The following PRKG1 variants were observed in gnomAD, a reference collection of about 807,000 sequenced individuals.
The protein encoded by PRKG1 is cGMP-dependent protein kinase 1.
PRKG1 carries 35 observed loss-of-function variants against 88.1 expected under a neutral mutation model. The observed-to-expected ratio is 0.40, with a 90% CI of 0.30 to 0.53. The LOEUF is 0.53. PRKG1 is among the 20% of genes least tolerant of loss of function. The pLI, the probability that PRKG1 is intolerant of heterozygous loss-of-function variation, is 0.59. For synonymous variants in PRKG1, 303 were observed against 292.5 expected, an observed-to-expected ratio of 1.04 and a Z score of -0.37; for missense variants, 540 against 839.8, an observed-to-expected ratio of 0.64 and a Z score of 4.41.
chr10:51,483,382 G>T (rs180917126), intron 3 of PRKG1, among the ~76,000 whole-genome samples: 1 of 152,010 alleles, frequency 6.6e-6, no homozygotes, highest in East Asian at 1.9e-4. Context: ...AATGCCTTCC[G>T]TGTAAAATTT....
intron 4 of PRKG1, among the ~76,000 whole-genome samples, chr10:51,833,191 A>T (rs1840046656): frequency 6.6e-6 from 1 of 152,166 alleles, no homozygotes; most frequent in South Asian, 2.1e-4. Flanking sequence ...GAAATGACAG[A>T]CTGCAACTGG....
At chr10:51,269,163 C>T (rs1466288437) in intron 2 of PRKG1, among the ~76,000 whole-genome samples, 1 of 152,072 alleles carries the variant, frequency 6.6e-6, no homozygotes, top group African/African-American at 2.4e-5. Flanking sequence ...ATTAAAACCA[C>T]AATGAGATAC....
At chr10:51,282,528 C>T (rs1454632309) in intron 2 of PRKG1, among the ~76,000 whole-genome samples, 2 of 152,130 alleles carry the variant, frequency 1.3e-5, no homozygotes, top group African/African-American at 4.8e-5. Context: ...CGAAGGAAAG[C>T]AAACAACTGG....
At chr10:51,610,328 C>T (rs573397195) in intron 3 of PRKG1, among the ~76,000 whole-genome samples, 1 of 152,294 alleles carries the variant, frequency 6.6e-6, no homozygotes, top group South Asian at 2.1e-4. Flanking sequence ...CATCATTCCA[C>T]TCACTACCTC....
intron 5 of PRKG1, among the ~76,000 whole-genome samples, chr10:51,930,888 C>A (rs1022061745): frequency 6.6e-6 from 1 of 152,098 alleles, no homozygotes; most frequent in Admixed American, 6.6e-5. Flanking sequence ...AATTTAATGA[C>A]CCTATTCTCT....
chr10:52,123,442 A>G (rs1019919457), intron 7 of PRKG1, among the ~76,000 whole-genome samples: 2 of 152,294 alleles, frequency 1.3e-5, no homozygotes, highest in Non-Finnish European at 2.9e-5. Context: ...ATAAGAAACC[A>G]GAGACTGCCT....
At chr10:51,693,625 C>G (rs1461352518) in intron 3 of PRKG1, among the ~76,000 whole-genome samples, 2 of 152,040 alleles carry the variant, frequency 1.3e-5, no homozygotes, top group East Asian at 3.9e-4. Context: ...TGGTCTCAAA[C>G]TCCTGACCTC....
chr10:51,998,585 A>AGAT (rs1844513708), intron 5 of PRKG1, among the ~76,000 whole-genome samples: 1 of 152,220 alleles, frequency 6.6e-6, no homozygotes, highest in East Asian at 1.9e-4. Context: ...TGTTGCAAAC[A>AGAT]GATGTCTAAT....
chr10:51,783,317 C>T (rs559090375), intron 3 of PRKG1, among the ~76,000 whole-genome samples: 1 of 152,082 alleles, frequency 6.6e-6, no homozygotes, highest in East Asian at 1.9e-4. Context: ...CTCACTCTGT[C>T]CCTGAGGCTG....
chr10:52,252,708 G>A (rs1487459519), intron 10 of PRKG1: 1 of 151,966 alleles, frequency 6.6e-6, no homozygotes, highest in Non-Finnish European at 1.5e-5. Flanking sequence ...AGATGAGAAG[G>A]TTTTAGAGCC....
intron 3 of PRKG1, among the ~76,000 whole-genome samples, chr10:51,679,928 G>A (rs949192411): frequency 6.2e-5 from 8 of 128,196 alleles, no homozygotes; most frequent in Admixed American, 3.1e-4. Context: ...GCCAATTAAC[G>A]GGAACTTCCT....
chr10:52,094,969 T>C (rs932642493), intron 7 of PRKG1, among the ~76,000 whole-genome samples: 1 of 152,168 alleles, frequency 6.6e-6, no homozygotes, highest in Non-Finnish European at 1.5e-5. Context: ...TTCAAACTCC[T>C]TGGGACCATT....
intron 3 of PRKG1, among the ~76,000 whole-genome samples, chr10:51,562,454 G>C (rs6480330): frequency 0.93 from 140,846 of 152,100 alleles, 65,300 homozygotes; most frequent in East Asian, 1. Flanking sequence ...TAGTAGGAAA[G>C]TTTTCTTTTG....
intron 7 of PRKG1, among the ~76,000 whole-genome samples, chr10:52,084,096 T>C (rs367655840): frequency 1.3e-5 from 2 of 152,162 alleles, no homozygotes; most frequent in Non-Finnish European, 2.9e-5. Flanking sequence ...AATAGCGGAT[T>C]TTAATATTTG....
At chr10:52,265,800 A>C (rs184046618) in intron 10 of PRKG1, among the ~76,000 whole-genome samples, 14 of 152,226 alleles carry the variant, frequency 9.2e-5, no homozygotes, top group African/African-American at 1.9e-4. Context: ...ATCCTTGTCA[A>C]AAATTCCCAC....
chr10:51,627,992 C>CTG (rs1166434553), intron 3 of PRKG1, among the ~76,000 whole-genome samples: 1 of 29,652 alleles, frequency 3.4e-5, no homozygotes, highest in Non-Finnish European at 7.5e-5. Flanking sequence ...TTCTTTCTTT[C>CTG]TCTCTCTCTC....
intron 5 of PRKG1, among the ~76,000 whole-genome samples, chr10:51,911,912 T>C (rs1028916655): frequency 1.3e-5 from 2 of 152,212 alleles, no homozygotes; most frequent in African/African-American, 4.8e-5. Context: ...GCTTTGTTCG[T>C]TTGACAAATA....
chr10:51,872,827 G>C (rs1179185944), intron 4 of PRKG1, among the ~76,000 whole-genome samples: 1 of 152,020 alleles, frequency 6.6e-6, no homozygotes, highest in African/African-American at 2.4e-5. Context: ...AAATTATTGA[G>C]TTTGGGATGG....
chr10:52,036,964 A>G (rs1364142482), intron 5 of PRKG1, among the ~76,000 whole-genome samples: 1 of 152,380 alleles, frequency 6.6e-6, no homozygotes, highest in South Asian at 2.1e-4. Flanking sequence ...CCACTGTGAG[A>G]GTTACCGGAA....
Sources: allele counts gnomAD v4.1 joint callset (sites outside exome capture counted in the v4.1 genomes callset), GRCh38; gene constraint gnomAD v4.1.1; transcripts MANE v1.5; gene names NCBI Gene and HGNC (gene_info 2026-07-23, HGNC 2026-07-21).